The following DRD4 variants were observed in gnomAD, a reference collection of about 807,000 sequenced individuals.
DRD4 encodes the protein D(4) dopamine receptor.
Under a neutral mutation model 22.1 loss-of-function variants are expected in DRD4, and 26 were observed. The ratio of observed to expected loss-of-function variants is 1.17; its 90% CI spans 0.86 to 1.63. The LOEUF (loss-of-function observed/expected upper bound fraction) is 1.63. Ranked by LOEUF, DRD4 falls within the 40% of genes most tolerant of loss-of-function variation. The pLI is 0.00. For synonymous variants in DRD4, 455 were observed against 306.7 expected, an observed-to-expected ratio of 1.48 and a Z score of -5.05; for missense variants, 913 against 632.4, an observed-to-expected ratio of 1.44 and a Z score of -4.76.
Position 637,306 on chromosome 11 carries a change from T to TG in DRD4, c.6dup (p.Asn3_?2). On this transcript the variant is annotated frameshift_variant and start_lost, in exon 1 of 4. Transcript: ENST00000176183. LOFTEE classifies it high-confidence loss of function. ...GCTCAGCGCCCGCCCGGGCGCGCCA[T>TG]GGGGAACCGCAGCACCGCGGACGCG... 1 of 1,209,944 alleles carries TG rather than the reference T, an allele frequency of 8.3e-7. No homozygotes were observed. Among genetic ancestry groups the TG allele is most frequent in the Non-Finnish European group, 1.0e-6 (1 of 974,902 alleles). The allele number at this position is 1,209,944 out of a possible 1,614,324, so 75.0% of individuals were successfully genotyped here. A position where few individuals can be genotyped will look rare whatever the true frequency, so the allele number is the denominator to read the frequency against.
Position 640,070 on chromosome 11 carries a change from G to A in DRD4, c.821G>A (p.Cys274Tyr). ...PPAPGLPRGP[C>Y]GPDCAPAAPS... Reference sequence around the variant, plus strand: ...GCGCCCGGCCTTCCCCGGGGTCCCTGCGGCCCCGACTGTGCGCCCGCCGCG... The same window carrying A: ...GCGCCCGGCCTTCCCCGGGGTCCCTACGGCCCCGACTGTGCGCCCGCCGCG... The change falls in exon 3 of 4, where the codon TGC becomes TAC. Residue 274 changes from cysteine (C) to tyrosine (Y), a missense_variant. Coordinates refer to ENST00000176183, the MANE Select transcript of DRD4 (RefSeq NM_000797.4). 8.8e-7 allele frequency: 1 copy of A among 1,135,910 alleles called. No homozygotes were observed. Among genetic ancestry groups the A allele is most frequent in the South Asian group, 2.5e-5 (1 of 39,390 alleles). The allele number at this position is 1,135,910 out of a possible 1,614,324, so 70.4% of individuals were successfully genotyped here.
At position 639,668 on chromosome 11, in the gene DRD4, C is replaced by A. The variant is rs765419488; in HGVS notation, c.419C>A (p.Pro140Gln). 21 of 1,466,760 alleles carry A rather than the reference C, an allele frequency of 1.4e-5. 1 individual carries two copies. The South Asian group carries it at 2.6e-4, about 18-fold the overall frequency. 90.9% of individuals were successfully genotyped at this position (1,466,760 alleles called of 1,614,324 possible). Residue 140 changes from proline (P) to glutamine (Q), a missense_variant, in exon 3 of 4, where the codon CCG becomes CAG. Transcript: ENST00000176183. ...SVDRFVAVAVPLRYNRQGGSR... is the reference protein window; with the variant it reads ...SVDRFVAVAVQLRYNRQGGSR... ...CGCAGGTTCGTGGCCGTGGCCGTGC[C>A]GCTGCGCTACAACCGGCAGGGTGGG...
At position 637,328 on chromosome 11, in the gene DRD4, C is replaced by T. The variant is rs887057327; in HGVS notation, c.24C>T (p.Asp8=). 3.2e-6 allele frequency: 4 copies of T among 1,254,392 alleles called. No individual in the cohort carries two copies. Among genetic ancestry groups the T allele is most frequent in the Non-Finnish European group, 3.0e-6 (3 of 1,004,320 alleles). 77.7% of individuals were successfully genotyped at this position (1,254,392 alleles called of 1,614,324 possible). The part of the protein sequence containing the change: MGNRSTA[D]ADGLLAGRGP... ...CCATGGGGAACCGCAGCACCGCGGA[C>T]GCGGACGGGCTGCTGGCTGGGCGCG... The change falls in exon 1 of 4, where the codon GAC becomes GAT. Residue 8 remains aspartate, a synonymous_variant. Transcript: ENST00000176183.
Position 640,130 on chromosome 11 carries a change from G to T in DRD4, c.881G>T (p.Cys294Phe). 1 of 1,434,642 alleles carries T rather than the reference G, an allele frequency of 7.0e-7. No homozygotes were observed. The highest frequency in any genetic ancestry group is 9.2e-7 in the Non-Finnish European group (1 of 1,090,510). 88.9% of individuals were successfully genotyped at this position (1,434,642 alleles called of 1,614,324 possible). A position where few individuals can be genotyped will look rare whatever the true frequency, so the allele number is the denominator to read the frequency against. Residue 294 changes from cysteine to phenylalanine, a missense_variant, in exon 3 of 4, where the codon TGT (cysteine) becomes TTT (phenylalanine). Physicochemically the swap from Cys to Phe is radical, Grantham distance 205. Coordinates refer to ENST00000176183, the MANE Select transcript of DRD4 (RefSeq NM_000797.4). ...SLPQDPCGPD[C>F]APPAPGLPPD... ...CCCCAGGACCCCTGCGGCCCCGACT[G>T]TGCGCCCCCCGCGCCCGGCCTCCCC... is the stretch of plus-strand genomic sequence containing the variant.
Position 639,416 on chromosome 11 carries a change from G to T in DRD4, c.286-17G>T, listed in dbSNP as rs372661846. 9 of 1,576,424 alleles carry T rather than the reference G, an allele frequency of 5.7e-6. No individual in the cohort carries two copies. The African/African-American group carries it at 1.1e-4, about 19-fold the overall frequency. On this transcript the variant is annotated splice_polypyrimidine_tract_variant and intron_variant, in intron 1 of 3. Transcript: ENST00000176183. ...CGGTGGCTGGGAAACCTCAGGGCCT[G>T]TGGTGTCGCCGCGCAGGTCCAGGGT... is the stretch of plus-strand genomic sequence containing the variant.
Position 640,543 on chromosome 11 carries a change from CA to C in DRD4, c.1201del (p.Thr401LeufsTer30). The stretch of plus-strand genomic sequence containing the variant: ...ACAGCGCCCTCAACCCCGTCATCTA[CA>C]CTGTCTTCAACGCCGAGTTCCGCAA... ...VNSALNPVIY[T>X]VFNAEFRNVF... On this transcript the variant is annotated frameshift_variant, in exon 4 of 4. Transcript: ENST00000176183. LOFTEE classifies it low-confidence loss of function (END_TRUNC). The C allele has an allele frequency of 6.2e-7, 1 of 1,600,536 alleles. No homozygotes were observed. The highest frequency in any genetic ancestry group is 8.5e-7 in the Non-Finnish European group (1 of 1,179,766).
At position 637,385 on chromosome 11, in the gene DRD4, T is replaced by C; in HGVS notation, c.81T>C (p.Ser27=). 1 of 1,418,986 alleles carries C rather than the reference T, an allele frequency of 7.0e-7. No homozygotes were observed. The highest frequency in any genetic ancestry group is 9.1e-7 in the Non-Finnish European group (1 of 1,094,502). The allele number at this position is 1,418,986 out of a possible 1,614,324, so 87.9% of individuals were successfully genotyped here. Reference sequence around the variant, plus strand: ...CCGCGGGGGCATCTGCGGGGGCATCTGCGGGGCTGGCTGGGCAGGGCGCGG... The same window carrying C: ...CCGCGGGGGCATCTGCGGGGGCATCCGCGGGGCTGGCTGGGCAGGGCGCGG... ...GPAAGASAGA[S]AGLAGQGAAA... is the part of the protein sequence containing the mutation. The change falls in exon 1 of 4, where the codon TCT becomes TCC. Residue 27 remains serine (S), a synonymous_variant. Transcript: ENST00000176183.
rs1357836963 is a variant in DRD4 at position 637,377 on chromosome 11, G to A, written c.73G>A (p.Gly25Arg). The A allele has an allele frequency of 2.2e-6, 3 of 1,365,268 alleles. No individual in the cohort carries two copies. The highest frequency in any genetic ancestry group is 3.0e-5 in the African/African-American group (2 of 65,600). 84.6% of individuals were successfully genotyped at this position (1,365,268 alleles called of 1,614,324 possible). A position where few individuals can be genotyped will look rare whatever the true frequency, so the allele number is the denominator to read the frequency against. The stretch of plus-strand genomic sequence containing the variant: ...CGGGCCGGCCGCGGGGGCATCTGCG[G>A]GGGCATCTGCGGGGCTGGCTGGGCA... ...GRGPAAGASA[G>R]ASAGLAGQGA... The change falls in exon 1 of 4, where the codon GGG (glycine) becomes AGG (arginine). Residue 25 changes from glycine to arginine, a missense_variant. Transcript: ENST00000176183.
Position 640,604 on chromosome 11 carries a change from G to A in DRD4, c.*1G>A, listed in dbSNP as rs765531496. On this transcript the variant is annotated 3_prime_UTR_variant, in exon 4 of 4. Transcript: ENST00000176183. ...CAAGGCCCTGCGTGCCTGCTGCTGAGCCGGGCACCCCCGGACGCCCCCCGG... is the reference window on the plus strand; with the variant it reads ...CAAGGCCCTGCGTGCCTGCTGCTGAACCGGGCACCCCCGGACGCCCCCCGG... The A allele has an allele frequency of 1.7e-5, 27 of 1,599,228 alleles. No homozygotes were observed. The highest frequency in any genetic ancestry group is 2.3e-5 in the Non-Finnish European group (27 of 1,179,788).
In DRD4 at chr11:640,468, C is replaced by T. The variant is rs1199061505; in HGVS notation, c.1125C>T (p.Cys375=). ...TCACGCAGGCGCTGTGTCCTGCCTG[C>T]TCCGTGCCCCCGCGGCTGGTCAGCG... ...VHITQALCPA[C]SVPPRLVSAV... is the part of the protein sequence containing the mutation. The change falls in exon 4 of 4, where the codon TGC becomes TGT. Residue 375 remains cysteine, a synonymous_variant. Transcript: ENST00000176183. 1 of 1,602,108 alleles carries T rather than the reference C, an allele frequency of 6.2e-7. No individual in the cohort carries two copies. Among genetic ancestry groups the T allele is most frequent in the East Asian group, 2.2e-5 (1 of 44,868 alleles).
At position 640,486 on chromosome 11, in the gene DRD4, G is replaced by A. The variant is rs1267833135; in HGVS notation, c.1143G>A (p.Leu381=). 1 of 1,602,192 alleles carries A rather than the reference G, an allele frequency of 6.2e-7. No homozygotes were observed. The highest frequency in any genetic ancestry group is 1.1e-5 in the South Asian group (1 of 91,086). ...LCPACSVPPR[L]VSAVTWLGYV... ...CTGCCTGCTCCGTGCCCCCGCGGCTGGTCAGCGCCGTCACCTGGCTGGGCT... is the reference window on the plus strand; with the variant it reads ...CTGCCTGCTCCGTGCCCCCGCGGCTAGTCAGCGCCGTCACCTGGCTGGGCT... The change falls in exon 4 of 4, where the codon CTG becomes CTA. Residue 381 remains leucine, a synonymous_variant. Transcript: ENST00000176183.
At position 639,375 on chromosome 11, in the gene DRD4, G is replaced by T. The variant is rs12720406; in HGVS notation, c.286-58G>T. The T allele has an allele frequency of 3.2e-5, 45 of 1,407,402 alleles. 1 individual carries two copies. The highest frequency in any genetic ancestry group is 2.7e-4 in the South Asian group (22 of 82,204). The allele number at this position is 1,407,402 out of a possible 1,614,324, so 87.2% of individuals were successfully genotyped here. A position where few individuals can be genotyped will look rare whatever the true frequency, so the allele number is the denominator to read the frequency against. On this transcript the variant is annotated intron_variant, in intron 1 of 3. Transcript: ENST00000176183. ...TGGAACTACCCATAAGAGTGGGGGC[G>T]GGTCACAAGGGCCCGCGGTGGCTGG...
rs893622540 is a variant in DRD4, at chr11:639,688, G to C, written c.439G>C (p.Gly147Arg). The change falls in exon 3 of 4, where the codon GGT (glycine) becomes CGT (arginine). Residue 147 changes from glycine (G) to arginine (R), a missense_variant. Transcript: ENST00000176183. ...CGTGCCGCTGCGCTACAACCGGCAG[G>C]GTGGGAGCCGCCGGCAGCTGCTGCT... is the stretch of plus-strand genomic sequence containing the variant. ...VAVPLRYNRQ[G>R]GSRRQLLLIG... is the part of the protein sequence containing the mutation. 2 of 1,478,064 alleles carry C rather than the reference G, an allele frequency of 1.4e-6. No individual in the cohort carries two copies. Among genetic ancestry groups the C allele is most frequent in the Non-Finnish European group, 1.8e-6 (2 of 1,119,998 alleles). The allele number at this position is 1,478,064 out of a possible 1,614,324, so 91.6% of individuals were successfully genotyped here.
Position 637,555 on chromosome 11 carries a change from C to T in DRD4, c.251C>T (p.Ala84Val), listed in dbSNP as rs1407458179. ...VSLAAADLLL[A>V]LLVLPLFVYS... is the part of the protein sequence containing the mutation. ...CTGGCGGCCGCCGACCTCCTCCTCG[C>T]TCTCCTGGTGCTGCCGCTCTTCGTC... Residue 84 changes from alanine to valine, a missense_variant, in exon 1 of 4, where the codon GCT (alanine) becomes GTT (valine). Coordinates refer to ENST00000176183, the MANE Select transcript of DRD4 (RefSeq NM_000797.4). 3.2e-6 allele frequency: 5 copies of T among 1,560,622 alleles called. No individual in the cohort carries two copies. The highest frequency in any genetic ancestry group is 1.7e-4 in the Middle Eastern group (1 of 6,008).
rs1439952643 is a variant in DRD4, at chr11:639,636, C to T, written c.399-12C>T. On this transcript the variant is annotated splice_polypyrimidine_tract_variant and intron_variant, in intron 2 of 3. Coordinates refer to ENST00000176183, the MANE Select transcript of DRD4 (RefSeq NM_000797.4). ...TGTGCGCTGTCCGGCGCCCCCTCGGCGCTCCCCGCAGGTTCGTGGCCGTGG... is the reference window on the plus strand; with the variant it reads ...TGTGCGCTGTCCGGCGCCCCCTCGGTGCTCCCCGCAGGTTCGTGGCCGTGG... The T allele has an allele frequency of 1.4e-6, 2 of 1,424,360 alleles. No individual in the cohort carries two copies. The highest frequency in any genetic ancestry group is 1.8e-6 in the Non-Finnish European group (2 of 1,088,730). 88.2% of individuals were successfully genotyped at this position (1,424,360 alleles called of 1,614,324 possible).
chr11:639,643 C>G lies in DRD4; in HGVS notation c.399-5C>G. ...TGTCCGGCGCCCCCTCGGCGCTCCC[C>G]GCAGGTTCGTGGCCGTGGCCGTGCC... On this transcript the variant is annotated splice_region_variant and splice_polypyrimidine_tract_variant and intron_variant, in intron 2 of 3. Transcript: ENST00000176183. The G allele has an allele frequency of 6.9e-7, 1 of 1,446,390 alleles. No homozygotes were observed. The highest frequency in any genetic ancestry group is 1.5e-5 in the African/African-American group (1 of 67,396). 89.6% of individuals were successfully genotyped at this position (1,446,390 alleles called of 1,614,324 possible).
Position 640,244 on chromosome 11 carries a change from G to A in DRD4, c.995G>A (p.Arg332Lys), listed in dbSNP as rs1404233231. 1.3e-6 allele frequency: 2 copies of A among 1,533,428 alleles called. No homozygotes were observed. Among genetic ancestry groups the A allele is most frequent in the East Asian group, 2.4e-5 (1 of 40,914 alleles). The allele number at this position is 1,533,428 out of a possible 1,614,324, so 95.0% of individuals were successfully genotyped here. Residue 332 changes from arginine (R) to lysine (K), a missense_variant, in exon 3 of 4, where the codon AGG becomes AAG. By Grantham distance (26) the Arg-to-Lys change is conservative (BLOSUM62 2). Coordinates refer to ENST00000176183, the MANE Select transcript of DRD4 (RefSeq NM_000797.4). The part of the protein sequence containing the change: ...PPQTPPQTRR[R>K]RRAKITGRER... ...CAGACTCCACCGCAGACCCGCAGGA[G>A]GCGGCGTGCCAAGATCACCGGCCGG...
chr11:637,663 G>T, intron 1 of DRD4, 74 bp downstream of exon 1: 1 of 1,532,380 alleles, frequency 6.5e-7, no homozygotes, highest in Non-Finnish European at 8.7e-7. Context: ...CGGAGGACCC[G>T]GCGCGACCCG....
In DRD4 at chr11:637,289, C is replaced by G. The variant is rs1226916945; in HGVS notation, c.-16C>G. On this transcript the variant is annotated 5_prime_UTR_variant, in exon 1 of 4. Coordinates refer to ENST00000176183, the MANE Select transcript of DRD4 (RefSeq NM_000797.4). ...CCGGCGTTGTCCGCGGTGCTCAGCG[C>G]CCGCCCGGGCGCGCCATGGGGAACC... 1.7e-6 allele frequency: 2 copies of G among 1,192,266 alleles called. No individual in the cohort carries two copies. The highest frequency in any genetic ancestry group is 3.9e-5 in the East Asian group (1 of 25,598). 73.9% of individuals were successfully genotyped at this position (1,192,266 alleles called of 1,614,324 possible).
Sources: gnomAD v4.1 joint callset for allele counts on GRCh38, gnomAD v4.1.1 for gene constraint, MANE v1.5 for transcripts, NCBI Gene and HGNC (gene_info 2026-07-23, HGNC 2026-07-21) for gene names.